Variants in FUT8 observed in about 807,000 individuals in gnomAD.
FUT8 encodes alpha-(1,6)-fucosyltransferase.
In FUT8, 29 loss-of-function variants were observed where a neutral mutation model predicts 71.3. The ratio of observed to expected loss-of-function variants is 0.41; its 90% CI spans 0.30 to 0.55. The LOEUF (loss-of-function observed/expected upper bound fraction) is 0.55. FUT8 is among the 20% of genes least tolerant of loss of function. The pLI, the probability that FUT8 is intolerant of heterozygous loss-of-function variation, is 0.34. For missense variants in FUT8, 544 were observed against 702.1 expected (o/e 0.77, Z 2.55); for synonymous variants, 254 against 239.3 (o/e 1.06, Z -0.57).
intron 2 of FUT8, among the ~76,000 whole-genome samples, chr14:65,502,412 A>T (rs1302783809): frequency 6.6e-6 from 1 of 151,636 alleles, no homozygotes; most frequent in African/African-American, 2.4e-5. Flanking sequence ...TTTAGTAGAG[A>T]CAGGGTTTCA....
In FUT8 at chr14:65,720,222, A is replaced by G. The variant is rs559926211; in HGVS notation, c.836-1553A>G. Among the ~76,000 whole-genome samples the G allele has an allele frequency of 2.5e-3, 378 of 152,340 alleles. 3 individuals are homozygous for G. The Middle Eastern group carries it at 0.037, about 15-fold the overall frequency. On this transcript the variant is annotated intron_variant, in intron 7 of 10. Transcript: ENST00000673929. ...TTTCACTCCTCTTTTCATAGGCAAA[A>G]GAGTCTCTCCCTATGGCCACCACCA...
rs545243736 is a variant in FUT8, at chr14:65,742,909, G to A, written c.*499G>A. The A allele has an allele frequency of 6.7e-6, 1 of 148,860 alleles. No homozygotes were observed. The highest frequency in any genetic ancestry group is 1.5e-5 in the Non-Finnish European group (1 of 66,980). The allele number at this position is 148,860 out of a possible 1,614,324, so 9.2% of individuals were successfully genotyped here. ...GATTCAGAATGAGAATGGACGTTTGGTTTTTTTTTGTTTTTGTTTTTGTTT... is the reference window on the plus strand; with the variant it reads ...GATTCAGAATGAGAATGGACGTTTGATTTTTTTTTGTTTTTGTTTTTGTTT... On this transcript the variant is annotated 3_prime_UTR_variant, in exon 11 of 11. Coordinates refer to ENST00000673929, the MANE Select transcript of FUT8 (RefSeq NM_001371533.1).
Position 65,660,387 on chromosome 14 carries a change from A to G in FUT8, c.598-8856A>G, listed in dbSNP as rs1450859560. Among the ~76,000 whole-genome samples the G allele has an allele frequency of 3.9e-5, 6 of 152,202 alleles. No homozygotes were observed. Among genetic ancestry groups the G allele is most frequent in the Non-Finnish European group, 8.8e-5 (6 of 68,016 alleles). On this transcript the variant is annotated intron_variant, in intron 6 of 10. Transcript: ENST00000673929. The surrounding 1 kb of genome is among the most constrained non-coding windows in gnomAD (Gnocchi z 4.1). ...CAGGTAAAGAGCAAAAGTTTTTAAA[A>G]TGTATTATTTAAAGTAAGCTAAATG...
intron 3 of FUT8, among the ~76,000 whole-genome samples, chr14:65,592,890 T>C (rs1168151744): frequency 1.3e-5 from 2 of 152,208 alleles, no homozygotes; most frequent in Non-Finnish European, 2.9e-5. Context: ...TTTCATTCAA[T>C]AGACATTTCT....
chr14:65,684,630 G>A (rs187309229), intron 7 of FUT8, among the ~76,000 whole-genome samples: 4 of 152,226 alleles, frequency 2.6e-5, no homozygotes, highest in South Asian at 2.1e-4. Context: ...TTATAACCCC[G>A]AGGTGTTAAG....
chr14:65,468,278 C>A, intron 2 of FUT8: 1 of 623,218 alleles, frequency 1.6e-6, no homozygotes, highest in South Asian at 1.4e-5. Flanking sequence ...GGAACAACTC[C>A]ATGTTTACTA....
chr14:65,429,707 T>A (rs188418311), intron 1 of FUT8, among the ~76,000 whole-genome samples: 1 of 151,452 alleles, frequency 6.6e-6, no homozygotes, highest in Non-Finnish European at 1.5e-5. Flanking sequence ...TACAAATAAT[T>A]AAAAAATCAG....
intron 7 of FUT8, among the ~76,000 whole-genome samples, chr14:65,712,516 C>T (rs1894856203): frequency 6.6e-6 from 1 of 152,194 alleles, no homozygotes; most frequent in African/African-American, 2.4e-5. Flanking sequence ...ATGATGTCGG[C>T]TCACTGCAAC....
chr14:65,593,702 G>T (rs1053131411), intron 3 of FUT8, among the ~76,000 whole-genome samples: 1 of 152,038 alleles, frequency 6.6e-6, no homozygotes. Context: ...CAGCCTTCCC[G>T]AGTAGCTGGG....
intron 5 of FUT8, among the ~76,000 whole-genome samples, chr14:65,620,236 G>A (rs936573003): frequency 6.6e-5 from 10 of 151,878 alleles, no homozygotes; most frequent in Middle Eastern, 3.2e-3. Flanking sequence ...CTAAAGTACA[G>A]GAGATGAGCC....
At chr14:65,469,976 G>A (rs2066112862) in intron 2 of FUT8, among the ~76,000 whole-genome samples, 1 of 152,208 alleles carries the variant, frequency 6.6e-6, no homozygotes, top group South Asian at 2.1e-4. Flanking sequence ...TGAAGGTGGG[G>A]TCTATCTGGG....
At chr14:65,544,782 G>A (rs1884889931) in intron 2 of FUT8, among the ~76,000 whole-genome samples, 1 of 151,964 alleles carries the variant, frequency 6.6e-6, no homozygotes, top group African/African-American at 2.4e-5. Context: ...TATGATGCTG[G>A]CATTTTAAAT....
At chr14:65,530,807 C>T (rs1594744009) in intron 2 of FUT8, among the ~76,000 whole-genome samples, 2 of 150,772 alleles carry the variant, frequency 1.3e-5, no homozygotes, top group East Asian at 2.0e-4. Context: ...TTCTCTCTCT[C>T]GCTCTTTCTC....
chr14:65,673,697 A>C (rs1218049457), intron 7 of FUT8, among the ~76,000 whole-genome samples: 1 of 152,194 alleles, frequency 6.6e-6, no homozygotes, highest in Non-Finnish European at 1.5e-5. Flanking sequence ...GTTTCCTTTT[A>C]AAAACAAGCA....
the FUT8 span, among the ~76,000 whole-genome samples, chr14:65,375,032 TA>T: frequency 6.6e-6 from 1 of 152,138 alleles, no homozygotes; most frequent in African/African-American, 2.4e-5. Flanking sequence ...AATTGGCTTA[TA>T]AAAGTTCTTG....
intron 7 of FUT8, among the ~76,000 whole-genome samples, chr14:65,683,829 T>G (rs527382395): frequency 8.5e-5 from 13 of 152,154 alleles, no homozygotes; most frequent in African/African-American, 3.1e-4. Flanking sequence ...TTCATGACAT[T>G]TTTTTAAAAT....
chr14:65,552,767 C>T (rs1885362633), intron 2 of FUT8, among the ~76,000 whole-genome samples: 1 of 151,932 alleles, frequency 6.6e-6, no homozygotes, highest in Non-Finnish European at 1.5e-5. Context: ...TTTTTAATTC[C>T]ATTTTATCTT....
intron 5 of FUT8, among the ~76,000 whole-genome samples, chr14:65,620,108 G>A (rs1312641590): frequency 6.6e-6 from 1 of 151,712 alleles, no homozygotes; most frequent in East Asian, 1.9e-4. Context: ...TTATGAAAAG[G>A]GTACCAAAGC....
intron 2 of FUT8, among the ~76,000 whole-genome samples, chr14:65,493,791 A>G (rs2066518629): frequency 6.6e-6 from 1 of 151,498 alleles, no homozygotes; most frequent in Admixed American, 6.6e-5. Flanking sequence ...TTTGGGAAAA[A>G]TTTTCTCCTT....
Sources: allele counts gnomAD v4.1 joint callset (sites outside exome capture counted in the v4.1 genomes callset), GRCh38; gene constraint gnomAD v4.1.1; non-coding constraint Gnocchi (gnomAD v3.1); transcripts MANE v1.5; gene names NCBI Gene and HGNC (gene_info 2026-07-23, HGNC 2026-07-21).